Variants in L3MBTL4 observed in about 807,000 individuals in gnomAD.
L3MBTL4 encodes the protein L3MBTL histone methyl-lysine binding protein 4.
L3MBTL4 carries 70 observed loss-of-function variants against 84.5 expected under a neutral mutation model. That is an observed-to-expected ratio of 0.83 (90% confidence interval 0.68 to 1.01). The LOEUF is 1.01. L3MBTL4 is among the 50% of genes least tolerant of loss of function. The pLI is 0.00. For synonymous variants in L3MBTL4, 274 were observed against 259.8 expected, an observed-to-expected ratio of 1.05 and a Z score of -0.52; for missense variants, 715 against 754.8, an observed-to-expected ratio of 0.95 and a Z score of 0.62.
chr18:6,367,133 C>T (rs994280753), intron 1 of L3MBTL4: 7 of 152,290 alleles, frequency 4.6e-5, no homozygotes, highest in Non-Finnish European at 1.0e-4. Flanking sequence ...TGTCGGGTCC[C>T]TCTGATTGCA....
At chr18:6,386,165 T>C (rs956919220) in intron 1 of L3MBTL4, among the ~76,000 whole-genome samples, 1 of 152,106 alleles carries the variant, frequency 6.6e-6, no homozygotes, top group African/African-American at 2.4e-5. Context: ...ACTAGGAGAT[T>C]GGAGGTTTCA....
intron 3 of L3MBTL4, among the ~76,000 whole-genome samples, chr18:6,307,256 C>T (rs1049955259): frequency 3.3e-5 from 5 of 150,042 alleles, no homozygotes; most frequent in Admixed American, 2.7e-4. Flanking sequence ...CATGGTGAAA[C>T]CCCATTTCTA....
chr18:6,025,791 C>T (rs2055474141), intron 16 of L3MBTL4, among the ~76,000 whole-genome samples: 1 of 152,212 alleles, frequency 6.6e-6, no homozygotes, highest in African/African-American at 2.4e-5. Flanking sequence ...AGGGTTCACG[C>T]TCCTATGAGA....
chr18:5,974,826 T>C (rs536751750), intron 16 of L3MBTL4, among the ~76,000 whole-genome samples: 2 of 152,172 alleles, frequency 1.3e-5, no homozygotes, highest in African/African-American at 2.4e-5. Flanking sequence ...TAGCTGGGCA[T>C]GGTGACATGC....
chr18:6,194,680 C>A (rs546455722), intron 12 of L3MBTL4, among the ~76,000 whole-genome samples: 102 of 152,236 alleles, frequency 6.7e-4, no homozygotes, highest in African/African-American at 2.4e-3. Context: ...GACAGAATGC[C>A]AAAGGATCAG....
At chr18:6,384,772 C>A (rs1426345375) in intron 1 of L3MBTL4, among the ~76,000 whole-genome samples, 1 of 152,256 alleles carries the variant, frequency 6.6e-6, no homozygotes, top group Non-Finnish European at 1.5e-5. Flanking sequence ...CTGTCTGTCA[C>A]GGATGGTCTC....
intron 12 of L3MBTL4, among the ~76,000 whole-genome samples, chr18:6,191,614 C>T (rs1304825918): frequency 1.3e-5 from 2 of 152,146 alleles, no homozygotes; most frequent in African/African-American, 4.8e-5. Flanking sequence ...AAAGCAGTGC[C>T]ATTTGAGGAA....
intron 3 of L3MBTL4, among the ~76,000 whole-genome samples, chr18:6,311,290 T>C (rs947854794): frequency 6.6e-6 from 1 of 151,978 alleles, no homozygotes; most frequent in African/African-American, 2.4e-5. Context: ...TCCGTTCTCT[T>C]ACTTGAGAAT....
chr18:6,166,658 C>T (rs1242938729), intron 13 of L3MBTL4, among the ~76,000 whole-genome samples: 2 of 152,126 alleles, frequency 1.3e-5, no homozygotes, highest in African/African-American at 4.8e-5. Context: ...ATACCAGAAT[C>T]TCTGGGACAC....
chr18:6,144,023 C>A (rs1260422148), intron 13 of L3MBTL4, among the ~76,000 whole-genome samples: 3 of 151,924 alleles, frequency 2.0e-5, no homozygotes, highest in African/African-American at 7.3e-5. Flanking sequence ...CGGTGAAACC[C>A]CGTCTCTACT....
intron 16 of L3MBTL4, among the ~76,000 whole-genome samples, chr18:5,992,193 C>T (rs567693677): frequency 6.6e-6 from 1 of 152,136 alleles, no homozygotes; most frequent in Non-Finnish European, 1.5e-5. Context: ...TTCAGGCTGA[C>T]AATAGGGCAT....
At chr18:6,044,587 T>C (rs1472138898) in intron 16 of L3MBTL4, among the ~76,000 whole-genome samples, 1 of 151,232 alleles carries the variant, frequency 6.6e-6, no homozygotes, top group Non-Finnish European at 1.5e-5. Flanking sequence ...ACTATGAAGG[T>C]TATCTACACT....
In L3MBTL4 at chr18:6,197,007, GC is replaced by G. The variant is rs542384585; in HGVS notation, c.981+16141del. 1.7e-4 allele frequency among the ~76,000 whole-genome samples: 26 copies of G among 152,364 alleles called. No homozygotes were observed. In the South Asian group the frequency reaches 5.4e-3, roughly 32 times the overall value. On this transcript the variant is annotated intron_variant, in intron 12 of 18. Coordinates refer to ENST00000317931, the MANE Select transcript of L3MBTL4 (RefSeq NM_001330559.2). ...CATCCAAAAGGCAAGGCCAAGCAGG[GC>G]CCTGAACAGCTTACAGATAAAACTA...
At chr18:6,252,855 T>A (rs73385942) in intron 5 of L3MBTL4, among the ~76,000 whole-genome samples, 13,229 of 152,292 alleles carry the variant, frequency 0.087, 1,861 homozygotes, top group African/African-American at 0.29. Context: ...ATCTGTCAAT[T>A]ATTAAGAATC....
At chr18:6,133,211 C>T (rs1180191578) in intron 14 of L3MBTL4, among the ~76,000 whole-genome samples, 1 of 152,108 alleles carries the variant, frequency 6.6e-6, no homozygotes, top group Non-Finnish European at 1.5e-5. Flanking sequence ...CATATCTTTG[C>T]TGTCCAATAC....
chr18:6,097,879 C>T (rs1233047485), intron 14 of L3MBTL4, among the ~76,000 whole-genome samples: 1 of 152,172 alleles, frequency 6.6e-6, no homozygotes, highest in African/African-American at 2.4e-5. Context: ...GCCTCTTACT[C>T]TTAAACCTAG....
intron 3 of L3MBTL4, among the ~76,000 whole-genome samples, chr18:6,308,512 T>A (rs1286034894): frequency 6.6e-6 from 1 of 152,228 alleles, no homozygotes; most frequent in African/African-American, 2.4e-5. Context: ...TAACATTGTG[T>A]ATAACCATAA....
At chr18:6,359,254 G>T (rs1481456397) in intron 1 of L3MBTL4, among the ~76,000 whole-genome samples, 2 of 152,212 alleles carry the variant, frequency 1.3e-5, no homozygotes, top group Non-Finnish European at 2.9e-5. Context: ...GAGGTCAGGA[G>T]TTCAAGACCA....
At chr18:6,004,997 A>ATTTTTTTTTTTTTTTTTTTTT (rs60294342) in intron 16 of L3MBTL4, among the ~76,000 whole-genome samples, 8 of 52,150 alleles carry the variant, frequency 1.5e-4, no homozygotes, top group Admixed American at 3.5e-4. Context: ...TAAGATGATA[A>ATTTTTTTTTTTTTTTTTTTTT]TTTTTTTTTT....
Sources: allele counts gnomAD v4.1 joint callset (sites outside exome capture counted in the v4.1 genomes callset), GRCh38; gene constraint gnomAD v4.1.1; transcripts MANE v1.5; gene names NCBI Gene and HGNC (gene_info 2026-07-23, HGNC 2026-07-21).